The following BYSL variants were observed in gnomAD, a reference collection of about 807,000 sequenced individuals.
The protein encoded by BYSL is bystin like.
Under a neutral mutation model 45.4 loss-of-function variants are expected in BYSL, and 21 were observed. The observed-to-expected ratio is 0.46, with a 90% CI of 0.33 to 0.67. The LOEUF is 0.67. BYSL is among the 30% of genes least tolerant of loss of function. The probability of loss-of-function intolerance (pLI) is 0.02; values close to 1 mark genes in which losing one functional copy is unlikely to be tolerated. For missense variants in BYSL, 522 were observed against 578.5 expected, an observed-to-expected ratio of 0.90 and a Z score of 1.00; for synonymous variants, 215 against 231.3, an observed-to-expected ratio of 0.93 and a Z score of 0.64.
At chr6:41,916,977 A>C, upstream of BYSL, 1 of 1,611,218 alleles carries the variant, frequency 6.2e-7, no homozygotes, top group Non-Finnish European at 8.5e-7. Context: ...TTATCCAGAG[A>C]CACACGTGTG....
At chr6:41,921,320 A>G (rs1775461878), upstream of BYSL, 3 of 611,270 alleles carry the variant, frequency 4.9e-6, no homozygotes, top group Non-Finnish European at 8.4e-6. Context: ...GCGACACTCA[A>G]AGACTGCACT....
chr6:41,911,064 G>A, the BYSL span, among the ~76,000 whole-genome samples: 12 of 150,674 alleles, frequency 8.0e-5, no homozygotes, highest in Non-Finnish European at 1.6e-4. Context: ...AGCCGAGATC[G>A]TGCCACTGCA....
chr6:41,913,647 C>T, the BYSL span, among the ~76,000 whole-genome samples: 1 of 152,134 alleles, frequency 6.6e-6, no homozygotes, highest in Non-Finnish European at 1.5e-5. Flanking sequence ...TGCCTGTAAT[C>T]CTAGCACTTT....
Position 41,928,842 on chromosome 6 carries a change from C to T in BYSL, c.432-1290C>T, listed in dbSNP as rs12524742. Among the ~76,000 whole-genome samples the T allele has an allele frequency of 4.6e-3, 694 of 152,298 alleles. 18 individuals are homozygous for T. The highest frequency in any genetic ancestry group is 0.039 in the Admixed American group (590 of 15,278). ...CAGTTCCCATGTCTGCATAAGTTTC[C>T]GTGTCCTATAAGTGTTGCGCTGACT... On this transcript the variant is annotated intron_variant, in intron 2 of 6. Coordinates refer to ENST00000230340, the MANE Select transcript of BYSL (RefSeq NM_004053.4).
upstream of BYSL, chr6:41,921,163 C>A: frequency 1.9e-6 from 2 of 1,069,326 alleles, no homozygotes; most frequent in Non-Finnish European, 2.7e-6. Flanking sequence ...GCCGGGTCCA[C>A]GCCTTCCCCA....
intron 2 of BYSL, among the ~76,000 whole-genome samples, chr6:41,929,404 G>A (rs1775605853): frequency 1.3e-5 from 2 of 152,138 alleles, no homozygotes; most frequent in Admixed American, 6.5e-5. Context: ...AGACTGAGGC[G>A]GGAAGATCGC....
chr6:41,916,983 G>A (rs760658628), upstream of BYSL: 18 of 1,608,332 alleles, frequency 1.1e-5, no homozygotes, highest in African/African-American at 2.7e-5. Context: ...AGAGACACAC[G>A]TGTGCTCACT....
chr6:41,914,067 T>C, the BYSL span, among the ~76,000 whole-genome samples: 2 of 152,108 alleles, frequency 1.3e-5, no homozygotes, highest in Admixed American at 6.5e-5. Context: ...GTACAAGAAA[T>C]GTATACAGGG....
At chr6:41,921,861 CAG>C (rs1452380944) in intron 1 of BYSL, 31 bp downstream of exon 1, 1 of 1,595,932 alleles carries the variant, frequency 6.3e-7, no homozygotes. Context: ...CCGAGGAAGA[CAG>C]TGGCCAGTAG....
chr6:41,916,816 G>T, upstream of BYSL: 3 of 1,614,068 alleles, frequency 1.9e-6, no homozygotes, highest in Non-Finnish European at 2.5e-6. Flanking sequence ...CGGCCGTATG[G>T]TAAGTCTCAC....
chr6:41,931,606 G>GTA, intron 5 of BYSL, 50 bp downstream of exon 5: 1 of 1,613,230 alleles, frequency 6.2e-7, no homozygotes. Context: ...GCTTCTATGG[G>GTA]GAACACAGCA....
chr6:41,909,488 G>A, the BYSL span: 1 of 1,614,140 alleles, frequency 6.2e-7, no homozygotes, highest in East Asian at 2.2e-5. Flanking sequence ...GGTACTCTGA[G>A]TTGTGCATCA....
At chr6:41,912,121 TC>T in the BYSL span, among the ~76,000 whole-genome samples, 1 of 150,350 alleles carries the variant, frequency 6.7e-6, no homozygotes, top group Non-Finnish European at 1.5e-5. Flanking sequence ...TGAACACAGC[TC>T]ACTGAAGCCT....
rs760983487 is a variant in BYSL, at chr6:41,921,770, G to C, written c.208G>C (p.Glu70Gln). Residue 70 changes from glutamate to glutamine, a missense_variant, in exon 1 of 7, where the codon GAG becomes CAG. Transcript: ENST00000230340. ...AGCACGGCAGCAACAGGAGGAACTC[G>C]AGGCCGAGCATGGGACTGGGGACAA... ...QQARQQQEELEAEHGTGDKPA... is the reference protein window; with the variant it reads ...QQARQQQEELQAEHGTGDKPA... The C allele has an allele frequency of 5.7e-5, 92 of 1,613,288 alleles. No homozygotes were observed. Among genetic ancestry groups the C allele is most frequent in the Middle Eastern group, 1.7e-4 (1 of 6,002 alleles).
At chr6:41,914,638 A>G in the BYSL span, among the ~76,000 whole-genome samples, 1 of 151,974 alleles carries the variant, frequency 6.6e-6, no homozygotes, top group Non-Finnish European at 1.5e-5. Flanking sequence ...CTCATTGCCT[A>G]AGCCCAGGAG....
In BYSL at chr6:41,932,334, C is replaced by G. The variant is rs774413908; in HGVS notation, c.969-27C>G. 3.1e-6 allele frequency: 5 copies of G among 1,590,508 alleles called. No individual in the cohort carries two copies. Among genetic ancestry groups the G allele is most frequent in the African/African-American group, 2.7e-5 (2 of 74,698 alleles). On this transcript the variant is annotated intron_variant, in intron 6 of 6. Coordinates refer to ENST00000230340, the MANE Select transcript of BYSL (RefSeq NM_004053.4). This position sits in a 1 kb window ranked among gnomAD's most constrained non-coding sequence, Gnocchi z 4.7. Reference sequence around the variant, plus strand: ...CTTCTTCCAATGTTTTCCCTGCTTACTCTACCCCACCTCCCTTTCCCACTA... The same window carrying G: ...CTTCTTCCAATGTTTTCCCTGCTTAGTCTACCCCACCTCCCTTTCCCACTA...
At chr6:41,922,285 T>A (rs1385467492) in intron 1 of BYSL, among the ~76,000 whole-genome samples, 1 of 152,352 alleles carries the variant, frequency 6.6e-6, no homozygotes, top group East Asian at 1.9e-4. Context: ...AACAATAGCA[T>A]TGGTCTTGAG....
chr6:41,925,085 G>C (rs147613777), intron 1 of BYSL, among the ~76,000 whole-genome samples: 1 of 152,060 alleles, frequency 6.6e-6, no homozygotes, highest in Non-Finnish European at 1.5e-5. Flanking sequence ...GAGATTTGAG[G>C]TGCCTGTGAG....
Position 41,930,774 on chromosome 6 carries a change from G to A in BYSL, c.704+6G>A. On this transcript the variant is annotated splice_donor_region_variant and intron_variant, in intron 4 of 6. Transcript: ENST00000230340. ...GCCATGTACCAGGCCACCAGGTAGAGTAGCTGGGGGTTCGGGGGCCTTGGG... is the reference window on the plus strand; with the variant it reads ...GCCATGTACCAGGCCACCAGGTAGAATAGCTGGGGGTTCGGGGGCCTTGGG... 1 of 1,609,794 alleles carries A rather than the reference G, an allele frequency of 6.2e-7. No homozygotes were observed. The highest frequency in any genetic ancestry group is 1.1e-5 in the South Asian group (1 of 90,528).
Sources: allele counts gnomAD v4.1 joint callset (sites outside exome capture counted in the v4.1 genomes callset), GRCh38; gene constraint gnomAD v4.1.1; non-coding constraint Gnocchi (gnomAD v3.1); transcripts MANE v1.5; gene names NCBI Gene and HGNC (gene_info 2026-07-23, HGNC 2026-07-21).